BTN3A2: variants seen among roughly 807,000 people sequenced by gnomAD.
The protein encoded by BTN3A2 is butyrophilin subfamily 3 member A2, also known as butyrophilin protein.
In BTN3A2, 25 loss-of-function variants were observed where a neutral mutation model predicts 37.6. The observed-to-expected ratio is 0.66, with a 90% CI of 0.48 to 0.93. The LOEUF (loss-of-function observed/expected upper bound fraction) is 0.93. Among genes scored for constraint, BTN3A2 ranks in the 40% least tolerant of loss-of-function variants. The probability of loss-of-function intolerance (pLI) is 0.00; values close to 1 mark genes in which losing one functional copy is unlikely to be tolerated. For missense variants in BTN3A2, 266 were observed against 410.9 expected, an observed-to-expected ratio of 0.65 and a Z score of 3.05; for synonymous variants, 122 against 159.4, an observed-to-expected ratio of 0.77 and a Z score of 1.77.
At chr6:26,375,047 G>A in intron 10 of BTN3A2, 1 of 394,692 alleles carries the variant, frequency 2.5e-6, no homozygotes. Flanking sequence ...GTCCTTCCCA[G>A]GCTTCTCATG....
chr6:26,365,743 A>G (rs2113666584), intron 1 of BTN3A2, among the ~76,000 whole-genome samples: 1 of 152,308 alleles, frequency 6.6e-6, no homozygotes, highest in East Asian at 1.9e-4. Context: ...GGCCAACTCA[A>G]GGCATCTATT....
In BTN3A2 at chr6:26,373,062, G is replaced by A. The variant is rs1280758347; in HGVS notation, c.881G>A (p.Gly294Glu). 2 of 1,614,134 alleles carry A rather than the reference G, an allele frequency of 1.2e-6. No homozygotes were observed. Among genetic ancestry groups the A allele is most frequent in the South Asian group, 1.1e-5 (1 of 91,070 alleles). ...IESEQEMKEM[G>E]YAATEREISL... Reference sequence around the variant, plus strand: ...AGTGAGCAAGAGATGAAAGAAATGGGATATGCTGCAACAGAGCGGGAAATA... The same window carrying A: ...AGTGAGCAAGAGATGAAAGAAATGGAATATGCTGCAACAGAGCGGGAAATA... The change falls in exon 6 of 11, where the codon GGA becomes GAA. Residue 294 changes from glycine to glutamate, a missense_variant. Around this residue, in one of 3 missense-constraint regions of BTN3A2, gnomAD observed 204 missense variants for 232.6 expected, o/e 0.88. Coordinates refer to ENST00000377708, the MANE Select transcript of BTN3A2 (RefSeq NM_007047.5).
At position 26,365,235 on chromosome 6, in the gene BTN3A2, G is replaced by C; in HGVS notation, c.-184G>C. ...TTCTCATGGTGAGAAGACAATATTT[G>C]CTTTCTCTTTTTCCTTTCTTCCGGA... On this transcript the variant is annotated 5_prime_UTR_variant, in exon 1 of 11. Transcript: ENST00000377708. The C allele has an allele frequency of 7.1e-7, 1 of 1,401,256 alleles. No homozygotes were observed. The highest frequency in any genetic ancestry group is 1.8e-4 in the Middle Eastern group (1 of 5,646). The allele number at this position is 1,401,256 out of a possible 1,614,324, so 86.8% of individuals were successfully genotyped here.
At chr6:26,375,694 C>T in intron 10 of BTN3A2, 103 bp from the exon 11 acceptor site, 2 of 1,529,740 alleles carry the variant, frequency 1.3e-6, no homozygotes, top group Non-Finnish European at 1.8e-6. Context: ...TTGCAGCTAT[C>T]AGGAAGATGA....
At position 26,376,867 on chromosome 6, in the gene BTN3A2, A is replaced by C. The variant is rs1581575128; in HGVS notation, c.*1105A>C. On this transcript the variant is annotated 3_prime_UTR_variant, in exon 11 of 11. Coordinates refer to ENST00000377708, the MANE Select transcript of BTN3A2 (RefSeq NM_007047.5). ...GGATACTGGACTATGGGCCTGACTG[A>C]TGGGAATAAGTATCGGGCTCTCACT... is the stretch of plus-strand genomic sequence containing the variant. 4 of 1,614,084 alleles carry C rather than the reference A, an allele frequency of 2.5e-6. No homozygotes were observed. In the East Asian group the frequency reaches 8.9e-5, roughly 36 times the overall value.
rs780772030 is a variant in BTN3A2 at position 26,368,548 on chromosome 6, C to A, written c.86-17C>A. 2.5e-6 allele frequency: 4 copies of A among 1,611,498 alleles called. No individual in the cohort carries two copies. The highest frequency in any genetic ancestry group is 1.1e-5 in the South Asian group (1 of 90,874). On this transcript the variant is annotated splice_polypyrimidine_tract_variant and intron_variant, in intron 3 of 10. Coordinates refer to ENST00000377708, the MANE Select transcript of BTN3A2 (RefSeq NM_007047.5). ...ACTCCAAAACCCTCTGATGGAGCTT[C>A]CCCCTTGTGCTGACAGCTCAGTTTT...
At chr6:26,367,172 A>T (rs1206732398) in intron 1 of BTN3A2, among the ~76,000 whole-genome samples, 3 of 152,208 alleles carry the variant, frequency 2.0e-5, no homozygotes. Context: ...TATCCAGGCT[A>T]GTGACATTAA....
rs138189631 is a variant in BTN3A2, at chr6:26,373,548, G to A, written c.964+135G>A. The A allele has an allele frequency of 5.2e-5, 43 of 821,450 alleles. No homozygotes were observed. The African/African-American group carries it at 6.8e-4, about 13-fold the overall frequency. 50.9% of individuals were successfully genotyped at this position (821,450 alleles called of 1,614,324 possible). A position where few individuals can be genotyped will look rare whatever the true frequency, so the allele number is the denominator to read the frequency against. ...CTTTACCCAGAAAAAGAAAACAAGT[G>A]TGGCTCTTTGGAGAAACCACCCAGT... On this transcript the variant is annotated intron_variant, in intron 8 of 10. Transcript: ENST00000377708.
chr6:26,366,619 G>T (rs1191309790), intron 1 of BTN3A2, among the ~76,000 whole-genome samples: 1 of 152,204 alleles, frequency 6.6e-6, no homozygotes, highest in Non-Finnish European at 1.5e-5. Context: ...ATAAAGAGCA[G>T]TTTCGAGGAG....
At chr6:26,372,871 A>G in intron 5 of BTN3A2, 26 bp from the exon 6 acceptor site, 1 of 1,612,342 alleles carries the variant, frequency 6.2e-7, no homozygotes. Context: ...ACCAGCGCCC[A>G]TGACCTACAG....
At position 26,376,815 on chromosome 6, in the gene BTN3A2, G is replaced by A; in HGVS notation, c.*1053G>A. 2 of 1,613,942 alleles carry A rather than the reference G, an allele frequency of 1.2e-6. No individual in the cohort carries two copies. The highest frequency in any genetic ancestry group is 8.5e-7 in the Non-Finnish European group (1 of 1,179,918). ...TAGTAAGAACGTGGAGAGGAAAAAA[G>A]TTTGGGTCAAAATGACACCGGAGAA... On this transcript the variant is annotated 3_prime_UTR_variant, in exon 11 of 11. Transcript: ENST00000377708.
chr6:26,365,203 T>C lies in BTN3A2; in HGVS notation c.-216T>C. On this transcript the variant is annotated 5_prime_UTR_variant, in exon 1 of 11. Transcript: ENST00000377708. ...AACTAATTCTTCCAAAGAGCGACTC[T>C]TACTGTTTCTCATGGTGAGAAGACA... 3.5e-6 allele frequency: 4 copies of C among 1,151,850 alleles called. No homozygotes were observed. Among genetic ancestry groups the C allele is most frequent in the Middle Eastern group, 2.0e-4 (1 of 5,074 alleles). 71.4% of individuals were successfully genotyped at this position (1,151,850 alleles called of 1,614,324 possible). A position where few individuals can be genotyped will look rare whatever the true frequency, so the allele number is the denominator to read the frequency against.
At chr6:26,374,229 A>ACT in intron 8 of BTN3A2, 98 bp from the exon 9 acceptor site, 1 of 483,082 alleles carries the variant, frequency 2.1e-6, no homozygotes, top group Non-Finnish European at 3.5e-6. Flanking sequence ...AAAAAAAAAA[A>ACT]AAAAAAAAAA....
intron 1 of BTN3A2, among the ~76,000 whole-genome samples, chr6:26,366,751 C>G (rs1205618303): frequency 6.6e-6 from 1 of 152,208 alleles, no homozygotes; most frequent in African/African-American, 2.4e-5. Flanking sequence ...CTCCCCACCT[C>G]CATCTGCAGA....
chr6:26,377,204 A>G lies in BTN3A2; in HGVS notation c.*1442A>G, dbSNP rs1233473730. The G allele has an allele frequency of 2.4e-5, 27 of 1,128,576 alleles. No homozygotes were observed. Among genetic ancestry groups the G allele is most frequent in the Non-Finnish European group, 3.2e-5 (24 of 741,616 alleles). 69.9% of individuals were successfully genotyped at this position (1,128,576 alleles called of 1,614,324 possible). Reference sequence around the variant, plus strand: ...AAAGTGGGGAGCCTCAGGCTGAAGTAACATCTCTGCTTCTCCCTGCCCAGC... The same window carrying G: ...AAAGTGGGGAGCCTCAGGCTGAAGTGACATCTCTGCTTCTCCCTGCCCAGC... On this transcript the variant is annotated 3_prime_UTR_variant, in exon 11 of 11. Coordinates refer to ENST00000377708, the MANE Select transcript of BTN3A2 (RefSeq NM_007047.5).
At position 26,377,712 on chromosome 6, in the gene BTN3A2, C is replaced by T. The variant is rs878906362; in HGVS notation, c.*1950C>T. ...CCTGATTTTTCCTGCATGGGAAGAG[C>T]CCACATGTAGCCCTGAGGTTCCCTT... On this transcript the variant is annotated 3_prime_UTR_variant, in exon 11 of 11. Transcript: ENST00000377708. The T allele has an allele frequency of 1.3e-4, 24 of 180,102 alleles. No homozygotes were observed. The South Asian group carries it at 2.6e-3, about 20-fold the overall frequency. 11.2% of individuals were successfully genotyped at this position (180,102 alleles called of 1,614,324 possible). A position where few individuals can be genotyped will look rare whatever the true frequency, so the allele number is the denominator to read the frequency against.
chr6:26,370,405 C>T lies in BTN3A2; in HGVS notation c.517C>T (p.Pro173Ser), dbSNP rs1206290163. Residue 173 changes from proline (P) to serine (S), a missense_variant, in exon 5 of 11, where the codon CCC becomes TCC. Coordinates refer to ENST00000377708, the MANE Select transcript of BTN3A2 (RefSeq NM_007047.5). ...HLECRSTGWY[P>S]QPQIQWSNAK... ...GGAGTGCAGGTCCACCGGCTGGTAC[C>T]CCCAACCCCAAATACAGTGGAGCAA... 1 of 1,614,004 alleles carries T rather than the reference C, an allele frequency of 6.2e-7. No homozygotes were observed. Among genetic ancestry groups the T allele is most frequent in the African/African-American group, 1.3e-5 (1 of 74,888 alleles).
In BTN3A2 at chr6:26,371,585, C is replaced by T. The variant is rs756443537; in HGVS notation, c.715+982C>T. Among the ~76,000 whole-genome samples, 39 of 152,238 alleles carry T rather than the reference C, an allele frequency of 2.6e-4. 1 individual carries two copies. Among genetic ancestry groups the T allele is most frequent in the Non-Finnish European group, 4.7e-4 (32 of 68,014 alleles). On this transcript the variant is annotated intron_variant, in intron 5 of 10. Coordinates refer to ENST00000377708, the MANE Select transcript of BTN3A2 (RefSeq NM_007047.5). ...ATATCTATCCAAACTACACACTTAT[C>T]GATCCAAACTTCCACTTCTAGGAAT... is the stretch of plus-strand genomic sequence containing the variant.
In BTN3A2 at chr6:26,376,719, A is replaced by C; in HGVS notation, c.*957A>C. 1 of 1,582,152 alleles carries C rather than the reference A, an allele frequency of 6.3e-7. No individual in the cohort carries two copies. Among genetic ancestry groups the C allele is most frequent in the Non-Finnish European group, 8.7e-7 (1 of 1,151,512 alleles). ...GCGTTACTGTGTGCTTGGCTGTGAA[A>C]GCTTCATGTCAGAGAGACACTACTG... is the stretch of plus-strand genomic sequence containing the variant. On this transcript the variant is annotated 3_prime_UTR_variant, in exon 11 of 11. Coordinates refer to ENST00000377708, the MANE Select transcript of BTN3A2 (RefSeq NM_007047.5).
Sources: allele counts gnomAD v4.1 joint callset (sites outside exome capture counted in the v4.1 genomes callset), GRCh38; gene constraint gnomAD v4.1.1; regional missense constraint gnomAD v4.1.1; transcripts MANE v1.5; gene names NCBI Gene and HGNC (gene_info 2026-07-23, HGNC 2026-07-21).